Variants in RPS6KA2 observed in about 807,000 individuals in gnomAD.
The protein encoded by RPS6KA2 is ribosomal protein S6 kinase alpha-2.
A neutral mutation model predicts 91.8 loss-of-function variants in RPS6KA2; 42 were observed. The observed-to-expected ratio is 0.46, with a 90% CI of 0.36 to 0.59. RPS6KA2 has a LOEUF of 0.59. RPS6KA2 is among the 20% of genes least tolerant of loss of function. RPS6KA2 has a pLI of 0.00. For synonymous variants in RPS6KA2, 414 were observed against 393.6 expected (o/e 1.05, Z -0.61); for missense variants, 798 against 978.5 (o/e 0.82, Z 2.46).
intron 2 of RPS6KA2, among the ~76,000 whole-genome samples, chr6:166,734,336 T>A (rs6456116): frequency 0.35 from 52,977 of 151,920 alleles, 13,220 homozygotes; most frequent in African/African-American, 0.72. Flanking sequence ...TAAGGGTTTA[T>A]ACTGACATGA....
chr6:166,780,649 G>C (rs1166286940), intron 2 of RPS6KA2, among the ~76,000 whole-genome samples: 1 of 152,190 alleles, frequency 6.6e-6, no homozygotes, highest in Non-Finnish European at 1.5e-5. Context: ...GTTTAACCAA[G>C]GGGAGGGGTC....
chr6:166,458,661 G>C (rs903204159), intron 12 of RPS6KA2, among the ~76,000 whole-genome samples: 1 of 152,152 alleles, frequency 6.6e-6, no homozygotes, highest in Non-Finnish European at 1.5e-5. Flanking sequence ...CAGAAGAAAG[G>C]CCACGTGGGG....
intron 10 of RPS6KA2, among the ~76,000 whole-genome samples, chr6:166,483,298 A>G (rs1466898201): frequency 6.6e-6 from 1 of 152,194 alleles, no homozygotes; most frequent in East Asian, 1.9e-4. Context: ...GCCACAGCCC[A>G]GTAGGGTCTA....
chr6:166,766,786 G>A (rs567310289), intron 2 of RPS6KA2, among the ~76,000 whole-genome samples: 103 of 152,334 alleles, frequency 6.8e-4, no homozygotes, highest in African/African-American at 2.3e-3. Context: ...TCTCTTCAGC[G>A]GTTGTTTGGG....
At chr6:166,660,480 G>T (rs1399766180) in intron 2 of RPS6KA2, among the ~76,000 whole-genome samples, 4 of 152,120 alleles carry the variant, frequency 2.6e-5, no homozygotes, top group Non-Finnish European at 5.9e-5. Context: ...TTGAGTGTCT[G>T]CCTGTCACAC....
intron 2 of RPS6KA2, among the ~76,000 whole-genome samples, chr6:166,784,676 A>G (rs139361697): frequency 7.6e-3 from 164 of 21,498 alleles, no homozygotes; most frequent in Middle Eastern, 0.038. Context: ...ACACCTATCT[A>G]TACCACATAT....
intron 2 of RPS6KA2, among the ~76,000 whole-genome samples, chr6:166,787,128 A>C (rs1462385294): frequency 2.0e-5 from 3 of 152,260 alleles, no homozygotes; most frequent in Admixed American, 1.3e-4. Context: ...TTTATATAAA[A>C]ATATTCAAAT....
At chr6:166,614,437 C>A (rs1786326568) in intron 1 of RPS6KA2, among the ~76,000 whole-genome samples, 1 of 152,242 alleles carries the variant, frequency 6.6e-6, no homozygotes, top group Non-Finnish European at 1.5e-5. Flanking sequence ...AGGTGTTCAC[C>A]TTCTGTGACC....
intron 2 of RPS6KA2, among the ~76,000 whole-genome samples, chr6:166,688,556 T>C (rs1789095500): frequency 6.6e-6 from 1 of 152,020 alleles, no homozygotes; most frequent in Admixed American, 6.5e-5. Flanking sequence ...ATCACTGGGT[T>C]TGGAGGATGA....
chr6:166,728,152 G>A (rs919781568), intron 2 of RPS6KA2, among the ~76,000 whole-genome samples: 9 of 152,232 alleles, frequency 5.9e-5, no homozygotes, highest in Admixed American at 2.0e-4. Flanking sequence ...AGGGACTTGA[G>A]CAGTGCAAAT....
At chr6:166,543,235 C>T (rs1783716310) in intron 1 of RPS6KA2, among the ~76,000 whole-genome samples, 1 of 152,154 alleles carries the variant, frequency 6.6e-6, no homozygotes, top group Non-Finnish European at 1.5e-5. Context: ...TCTCTCAAGG[C>T]ACAGAACCCG....
chr6:166,539,665 A>G lies in RPS6KA2; in HGVS notation c.100-881T>C, dbSNP rs551272047. Among the ~76,000 whole-genome samples the G allele has an allele frequency of 2.0e-5, 3 of 152,212 alleles. No homozygotes were observed. In the South Asian group the frequency reaches 6.2e-4, roughly 32 times the overall value. ...TAGGAGAAAGAGTCTATAAGTGAAA[A>G]CACTGACAGAAAACACTACAAATTT... is the stretch of plus-strand genomic sequence containing the variant. On this transcript the variant is annotated intron_variant, in intron 1 of 20. Transcript: ENST00000265678.
At position 166,737,767 on chromosome 6, in the gene RPS6KA2, T is replaced by C. The variant is rs2128591304; in HGVS notation, c.123+120433A>G. On this transcript the variant is annotated intron_variant, in intron 2 of 21. Transcript: ENST00000503859. This position sits in a 1 kb window ranked among gnomAD's most constrained non-coding sequence, Gnocchi z 4.3. ...AACTTGACAAATGCCGTACCCAAAATAGTATATTCCCTGTTTAGACGAACT... is the reference window on the plus strand; with the variant it reads ...AACTTGACAAATGCCGTACCCAAAACAGTATATTCCCTGTTTAGACGAACT... 6.6e-6 allele frequency among the ~76,000 whole-genome samples: 1 copy of C among 152,290 alleles called. No homozygotes were observed. The highest frequency in any genetic ancestry group is 1.5e-5 in the Non-Finnish European group (1 of 68,020).
chr6:166,500,218 T>C lies in RPS6KA2; in HGVS notation c.604+669A>G, dbSNP rs1049100866. Among the ~76,000 whole-genome samples, 2 of 152,246 alleles carry C rather than the reference T, an allele frequency of 1.3e-5. No homozygotes were observed. The highest frequency in any genetic ancestry group is 2.1e-4 in the South Asian group (1 of 4,836). On this transcript the variant is annotated intron_variant, in intron 7 of 20. Transcript: ENST00000265678. The surrounding 1 kb of genome is among the most constrained non-coding windows in gnomAD (Gnocchi z 4.3). ...CATTCCTGGGAGACTTATTTCACAC[T>C]TGGGGCCTCCTGACCTGTCAGGTGA...
intron 1 of RPS6KA2, among the ~76,000 whole-genome samples, chr6:166,543,995 C>T (rs769950273): frequency 7.9e-5 from 12 of 152,266 alleles, no homozygotes; most frequent in Non-Finnish European, 1.5e-4. Flanking sequence ...TCACCAGTTC[C>T]CCTGCCCTGT....
At chr6:166,658,733 T>C (rs570167502) in intron 2 of RPS6KA2, among the ~76,000 whole-genome samples, 9 of 152,190 alleles carry the variant, frequency 5.9e-5, no homozygotes, top group African/African-American at 2.2e-4. Flanking sequence ...GGTGTTGAAG[T>C]TGGCAATTCT....
intron 1 of RPS6KA2, among the ~76,000 whole-genome samples, chr6:166,548,831 A>C (rs913675179): frequency 1.3e-5 from 2 of 152,218 alleles, no homozygotes; most frequent in African/African-American, 4.8e-5. Context: ...AAAAGTGATA[A>C]ATCAAACTTC....
chr6:166,780,271 C>T (rs1285058944), intron 2 of RPS6KA2, among the ~76,000 whole-genome samples: 1 of 152,250 alleles, frequency 6.6e-6, no homozygotes, highest in East Asian at 1.9e-4. Flanking sequence ...GAGAGGCAGT[C>T]ACCTCGGAGT....
intron 2 of RPS6KA2, among the ~76,000 whole-genome samples, chr6:166,776,414 T>C (rs1460584384): frequency 1.3e-5 from 2 of 152,230 alleles, no homozygotes; most frequent in African/African-American, 4.8e-5. Flanking sequence ...CTTGTTTTTG[T>C]GTTTTAATTT....
Sources: allele counts gnomAD v4.1 joint callset (sites outside exome capture counted in the v4.1 genomes callset), GRCh38; gene constraint gnomAD v4.1.1; non-coding constraint Gnocchi (gnomAD v3.1); transcripts MANE v1.5; gene names NCBI Gene and HGNC (gene_info 2026-07-23, HGNC 2026-07-21).